CBLB: variants seen among roughly 807,000 people sequenced by gnomAD.
CBLB encodes Cbl proto-oncogene B.
CBLB carries 31 observed loss-of-function variants against 104.9 expected under a neutral mutation model. That is an observed-to-expected ratio of 0.30 (90% CI 0.22 to 0.40). The LOEUF (loss-of-function observed/expected upper bound fraction) is 0.40. Ranked by LOEUF, CBLB falls within the 10% of genes least tolerant of loss-of-function variation. CBLB has a pLI of 1.00. For missense variants in CBLB, 1,062 were observed against 1,214.6 expected (o/e 0.87, Z 1.87); for synonymous variants, 440 against 422.6 (o/e 1.04, Z -0.51).
chr3:105,702,846 T>A (rs1045264083), intron 11 of CBLB, among the ~76,000 whole-genome samples: 1 of 152,192 alleles, frequency 6.6e-6, no homozygotes, highest in Admixed American at 6.5e-5. Flanking sequence ...TGGTTTCAGT[T>A]TTTTTAAAGA....
At position 105,861,633 on chromosome 3, in the gene CBLB, CT is replaced by C. The variant is rs375253763; in HGVS notation, c.168+5776del. ...CCTAACTACATCCTTTCCCATCAAT[CT>C]TTTTTTTTTCCCACCAATCTTTGAA... is the stretch of plus-strand genomic sequence containing the variant. On this transcript the variant is annotated intron_variant, in intron 2 of 18. Coordinates refer to ENST00000394030, the MANE Select transcript of CBLB (RefSeq NM_170662.5). Among the ~76,000 whole-genome samples the C allele has an allele frequency of 1.4e-3, 203 of 147,630 alleles. 9 individuals carry two copies. In the South Asian group the frequency reaches 0.04, roughly 29 times the overall value.
intron 3 of CBLB, among the ~76,000 whole-genome samples, chr3:105,826,802 G>C (rs2086645413): frequency 6.6e-6 from 1 of 152,058 alleles, no homozygotes; most frequent in South Asian, 2.1e-4. Flanking sequence ...CAGGAGACAG[G>C]GGATGTGGTA....
At chr3:105,784,239 A>G (rs1179361279) in intron 3 of CBLB, among the ~76,000 whole-genome samples, 4 of 152,218 alleles carry the variant, frequency 2.6e-5, no homozygotes, top group Non-Finnish European at 4.4e-5. Context: ...CTCCATTGAG[A>G]CAAAAAAGAA....
At chr3:105,801,387 C>T (rs1354981645) in intron 3 of CBLB, among the ~76,000 whole-genome samples, 1 of 152,014 alleles carries the variant, frequency 6.6e-6, no homozygotes, top group Non-Finnish European at 1.5e-5. Flanking sequence ...TAATGTATTA[C>T]AGATTATTTA....
intron 3 of CBLB, among the ~76,000 whole-genome samples, chr3:105,836,809 A>C (rs2088589933): frequency 6.6e-6 from 1 of 152,108 alleles, no homozygotes; most frequent in Non-Finnish European, 1.5e-5. Flanking sequence ...GATAATACAC[A>C]GTGAGAACAC....
At chr3:105,819,187 C>T (rs1347473930) in intron 3 of CBLB, among the ~76,000 whole-genome samples, 1 of 152,082 alleles carries the variant, frequency 6.6e-6, no homozygotes, top group East Asian at 1.9e-4. Flanking sequence ...TTAACAGATT[C>T]ATCAAAACAC....
At chr3:105,693,270 CTA>C (rs755322311) in intron 13 of CBLB, among the ~76,000 whole-genome samples, 27 of 152,110 alleles carry the variant, frequency 1.8e-4, no homozygotes, top group Non-Finnish European at 3.5e-4. Flanking sequence ...CCCTGTTGCT[CTA>C]TGTAACCTCA....
intron 10 of CBLB, among the ~76,000 whole-genome samples, chr3:105,718,064 C>T (rs985585200): frequency 6.6e-6 from 1 of 152,118 alleles, no homozygotes; most frequent in Non-Finnish European, 1.5e-5. Flanking sequence ...CTTTATTCCA[C>T]GTCTTCCTTA....
At chr3:105,805,296 C>G (rs2083363632) in intron 3 of CBLB, among the ~76,000 whole-genome samples, 1 of 149,750 alleles carries the variant, frequency 6.7e-6, no homozygotes, top group Non-Finnish European at 1.5e-5. Flanking sequence ...AAACATATGG[C>G]CCCCAATTTT....
At chr3:105,798,655 A>G (rs1248893274) in intron 3 of CBLB, among the ~76,000 whole-genome samples, 1 of 152,204 alleles carries the variant, frequency 6.6e-6, no homozygotes, top group Non-Finnish European at 1.5e-5. Flanking sequence ...CCCCATCTTT[A>G]GTCAGAACCA....
In CBLB at chr3:105,864,264, T is replaced by C. The variant is rs547459629; in HGVS notation, c.168+3146A>G. ...GCTCTGATACTGTTCTCTGAGTTCC[T>C]TGACAGGTCAAAGGCGGGATTATGT... On this transcript the variant is annotated intron_variant, in intron 2 of 18. Coordinates refer to ENST00000394030, the MANE Select transcript of CBLB (RefSeq NM_170662.5). 1.2e-4 allele frequency among the ~76,000 whole-genome samples: 19 copies of C among 152,304 alleles called. 1 individual carries two copies. The highest frequency in any genetic ancestry group is 2.2e-4 in the African/African-American group (9 of 41,570).
In CBLB at chr3:105,739,995, T is replaced by C. The variant is rs577971134; in HGVS notation, c.983+499A>G. 9.9e-5 allele frequency among the ~76,000 whole-genome samples: 15 copies of C among 152,246 alleles called. No individual in the cohort carries two copies. The South Asian group carries it at 2.9e-3, about 29-fold the overall frequency. On this transcript the variant is annotated intron_variant, in intron 7 of 18. Coordinates refer to ENST00000394030, the MANE Select transcript of CBLB (RefSeq NM_170662.5). ...GCGCACGCCTGTAGTCCCAGCCACT[T>C]GGGAGGCTGAGGCAGGGGAATCCCT... is the stretch of plus-strand genomic sequence containing the variant.
chr3:105,696,194 T>G (rs2301044), intron 12 of CBLB, among the ~76,000 whole-genome samples: 88,392 of 151,400 alleles, frequency 0.58, 26,471 homozygotes, highest in Middle Eastern at 0.69. Context: ...AAACTTGGAA[T>G]AGAACTGTAT....
intron 18 of CBLB, among the ~76,000 whole-genome samples, chr3:105,666,411 C>G (rs1035435175): frequency 2.0e-5 from 3 of 151,956 alleles, no homozygotes; most frequent in African/African-American, 7.3e-5. Flanking sequence ...CTGCTGGCCA[C>G]GCGCAGTGGC....
chr3:105,867,623 T>C (rs2092500285), intron 1 of CBLB, 32 bp from the exon 2 acceptor site: 18 of 1,599,812 alleles, frequency 1.1e-5, no homozygotes, highest in Non-Finnish European at 1.5e-5. Context: ...AAAGAAAAGT[T>C]AGTTGGTTTT....
At chr3:105,869,025 T>A, upstream of CBLB, 1 of 766,918 alleles carries the variant, frequency 1.3e-6, no homozygotes, top group South Asian at 2.4e-5. Context: ...CCCACCCCTG[T>A]GGCACACACA....
At chr3:105,804,291 C>A (rs111776667) in intron 3 of CBLB, among the ~76,000 whole-genome samples, 1,745 of 151,838 alleles carry the variant, frequency 0.011, 30 homozygotes, top group African/African-American at 0.04. Flanking sequence ...GAGGCTGAGG[C>A]GGGTGGATCA....
chr3:105,747,525 C>A (rs933943179), intron 5 of CBLB, among the ~76,000 whole-genome samples: 1 of 152,110 alleles, frequency 6.6e-6, no homozygotes, highest in Non-Finnish European at 1.5e-5. Context: ...TTCCCCATCA[C>A]ACTAAAATAC....
Position 105,823,019 on chromosome 3 carries a change from C to CA in CBLB, c.419+30394dup, listed in dbSNP as rs562919700. Among the ~76,000 whole-genome samples the CA allele has an allele frequency of 1.7e-3, 260 of 152,288 alleles. 2 individuals carry two copies. Among genetic ancestry groups the CA allele is most frequent in the African/African-American group, 6.1e-3 (253 of 41,578 alleles). On this transcript the variant is annotated intron_variant, in intron 3 of 18. Transcript: ENST00000394030. ...AAAGTACTTGTTTATAGAATCCGTT[C>CA]AATGCCCTATTCATCCCTAGAAGTT... is the stretch of plus-strand genomic sequence containing the variant.
Sources: gnomAD v4.1 joint callset for allele counts (sites outside exome capture counted in the v4.1 genomes callset) on GRCh38, gnomAD v4.1.1 for gene constraint, MANE v1.5 for transcripts, NCBI Gene and HGNC (gene_info 2026-07-23, HGNC 2026-07-21) for gene names.